Variants in ZNF804B observed in about 807,000 individuals in gnomAD.
ZNF804B encodes the protein zinc finger protein 804B.
Under a neutral mutation model 101.4 loss-of-function variants are expected in ZNF804B, and 80 were observed. The ratio of observed to expected loss-of-function variants is 0.79; its 90% CI spans 0.66 to 0.95. The LOEUF is 0.95. Ranked by LOEUF, ZNF804B falls within the 40% of genes least tolerant of loss-of-function variation. The pLI, the probability that ZNF804B is intolerant of heterozygous loss-of-function variation, is 0.00. For synonymous variants in ZNF804B, 622 were observed against 558.8 expected, an observed-to-expected ratio of 1.11 and a Z score of -1.59; for missense variants, 1,673 against 1,561.9, an observed-to-expected ratio of 1.07 and a Z score of -1.20.
At chr7:89,231,411 A>G (rs1386752288) in intron 2 of ZNF804B, among the ~76,000 whole-genome samples, 2 of 152,048 alleles carry the variant, frequency 1.3e-5, no homozygotes, top group Non-Finnish European at 2.9e-5. Flanking sequence ...TCTTGTTTTT[A>G]ACAATTGTCA....
At chr7:88,931,975 CTTCT>C (rs1792893529) in intron 1 of ZNF804B, among the ~76,000 whole-genome samples, 1 of 150,724 alleles carries the variant, frequency 6.6e-6, no homozygotes, top group East Asian at 1.9e-4. Flanking sequence ...TCTGTCTGCC[CTTCT>C]AAGTTCTTGG....
At chr7:89,165,234 G>T (rs540215893) in intron 1 of ZNF804B, among the ~76,000 whole-genome samples, 2 of 151,976 alleles carry the variant, frequency 1.3e-5, no homozygotes, top group Admixed American at 6.6e-5. Flanking sequence ...CATAATTGGG[G>T]TATTACATTT....
At chr7:89,145,746 C>T (rs1790781139) in intron 1 of ZNF804B, among the ~76,000 whole-genome samples, 1 of 151,980 alleles carries the variant, frequency 6.6e-6, no homozygotes, top group Admixed American at 6.6e-5. Context: ...TGATGCTTTT[C>T]CCTCCCTAAA....
At chr7:89,196,323 C>T (rs561621671) in intron 1 of ZNF804B, among the ~76,000 whole-genome samples, 1 of 151,986 alleles carries the variant, frequency 6.6e-6, no homozygotes, top group Non-Finnish European at 1.5e-5. Flanking sequence ...GAAATAAGAC[C>T]ACACACCTAC....
At chr7:89,166,138 C>G (rs1323251719) in intron 1 of ZNF804B, among the ~76,000 whole-genome samples, 1 of 152,094 alleles carries the variant, frequency 6.6e-6, no homozygotes, top group African/African-American at 2.4e-5. Flanking sequence ...AGTTAGACTG[C>G]TTAGTGTGCA....
chr7:89,001,020 A>G (rs1008765780), intron 1 of ZNF804B, among the ~76,000 whole-genome samples: 10 of 147,246 alleles, frequency 6.8e-5, no homozygotes, highest in Admixed American at 4.1e-4. Flanking sequence ...ATAGTATAAT[A>G]TAATATATAA....
intron 1 of ZNF804B, among the ~76,000 whole-genome samples, chr7:89,159,550 G>T (rs943174671): frequency 2.0e-5 from 3 of 152,090 alleles, no homozygotes; most frequent in African/African-American, 7.2e-5. Context: ...GGTAAAGCAT[G>T]GAACAGAGTG....
intron 1 of ZNF804B, among the ~76,000 whole-genome samples, chr7:88,854,011 T>G (rs1205519258): frequency 6.6e-6 from 1 of 152,182 alleles, no homozygotes; most frequent in Non-Finnish European, 1.5e-5. Context: ...AAGTACATAG[T>G]TAATAATATT....
At chr7:88,773,652 C>T (rs1009435766) in intron 1 of ZNF804B, among the ~76,000 whole-genome samples, 1 of 151,990 alleles carries the variant, frequency 6.6e-6, no homozygotes, top group East Asian at 1.9e-4. Flanking sequence ...ATAAAGAAAA[C>T]AGATTTAATT....
chr7:89,228,186 T>C (rs1789124997), intron 2 of ZNF804B, among the ~76,000 whole-genome samples: 1 of 152,124 alleles, frequency 6.6e-6, no homozygotes, highest in Non-Finnish European at 1.5e-5. Context: ...GGAGTGAAGC[T>C]GCAGACCTTC....
intron 2 of ZNF804B, among the ~76,000 whole-genome samples, chr7:89,314,941 A>G (rs38945): frequency 0.11 from 16,937 of 152,162 alleles, 973 homozygotes; most frequent in Non-Finnish European, 0.12. Context: ...CTACTGGTGA[A>G]CAGGTGTGTA....
At chr7:89,176,040 C>T (rs1791313065) in intron 1 of ZNF804B, among the ~76,000 whole-genome samples, 1 of 151,934 alleles carries the variant, frequency 6.6e-6, no homozygotes, top group Non-Finnish European at 1.5e-5. Context: ...AGTTTGGAGG[C>T]TCTCAATTTC....
At chr7:88,967,538 T>C (rs1158500352) in intron 1 of ZNF804B, among the ~76,000 whole-genome samples, 1 of 151,424 alleles carries the variant, frequency 6.6e-6, no homozygotes, top group Non-Finnish European at 1.5e-5. Flanking sequence ...CTCAGGTTGA[T>C]GAAATAAGCA....
intron 2 of ZNF804B, among the ~76,000 whole-genome samples, chr7:89,239,376 G>A (rs1789331987): frequency 6.6e-6 from 1 of 152,116 alleles, no homozygotes; most frequent in Admixed American, 6.6e-5. Context: ...GAGAGGGCCT[G>A]ATACCCCAGA....
At chr7:88,977,676 T>G (rs1346677258) in intron 1 of ZNF804B, among the ~76,000 whole-genome samples, 3 of 151,534 alleles carry the variant, frequency 2.0e-5, no homozygotes, top group African/African-American at 4.8e-5. Flanking sequence ...GTGTTTTTCT[T>G]TTCAATAAAC....
chr7:88,964,318 G>T (rs577125783), intron 1 of ZNF804B, among the ~76,000 whole-genome samples: 40 of 151,426 alleles, frequency 2.6e-4, no homozygotes, highest in Non-Finnish European at 5.2e-4. Flanking sequence ...ACAAAATGTG[G>T]TATATACATA....
chr7:88,829,076 A>G (rs963415928), intron 1 of ZNF804B, among the ~76,000 whole-genome samples: 3 of 151,952 alleles, frequency 2.0e-5, no homozygotes, highest in African/African-American at 7.2e-5. Context: ...TTACATATCT[A>G]TTGTTTTGAT....
intron 1 of ZNF804B, among the ~76,000 whole-genome samples, chr7:88,799,396 A>C (rs994178143): frequency 6.6e-6 from 1 of 151,344 alleles, no homozygotes; most frequent in African/African-American, 2.4e-5. Flanking sequence ...TTTGCACACA[A>C]TTAAAATCTT....
intron 1 of ZNF804B, among the ~76,000 whole-genome samples, chr7:89,146,786 G>A (rs916976976): frequency 2.6e-5 from 4 of 151,988 alleles, no homozygotes; most frequent in Non-Finnish European, 5.9e-5. Flanking sequence ...AGTACTTCGG[G>A]AGGCTGAGAC....
Sources: gnomAD v4.1 joint callset for allele counts (sites outside exome capture counted in the v4.1 genomes callset) on GRCh38, gnomAD v4.1.1 for gene constraint, MANE v1.5 for transcripts, NCBI Gene and HGNC (gene_info 2026-07-23, HGNC 2026-07-21) for gene names.